The following IL1RAPL1 variants were observed in gnomAD, a reference collection of about 807,000 sequenced individuals.
IL1RAPL1 encodes the protein interleukin 1 receptor accessory protein like 1.
IL1RAPL1 carries 3 observed loss-of-function variants against 48.4 expected under a neutral mutation model. The ratio of observed to expected loss-of-function variants is 0.06; its 90% CI spans 0.03 to 0.16. IL1RAPL1 has a LOEUF of 0.16. Ranked by LOEUF, IL1RAPL1 falls within the 10% of genes least tolerant of loss-of-function variation. The probability of loss-of-function intolerance (pLI) is 1.00; values close to 1 mark genes in which losing one functional copy is unlikely to be tolerated. For missense variants in IL1RAPL1, 349 were observed against 530.6 expected (o/e 0.66, Z 3.36); for synonymous variants, 185 against 187.7 (o/e 0.99, Z 0.12).
chrX:28,923,713 A>G (rs1408809129), intron 2 of IL1RAPL1, among the ~76,000 whole-genome samples: 1 of 111,090 alleles, frequency 9.0e-6, no homozygotes, highest in Non-Finnish European at 1.9e-5. Flanking sequence ...GTTCACTGTA[A>G]AATTCTTCCA....
chrX:29,274,809 A>G (rs1932094298), intron 2 of IL1RAPL1, among the ~76,000 whole-genome samples: 1 of 111,488 alleles, frequency 9.0e-6, no homozygotes. Context: ...ATTTCCATTA[A>G]TAGTGCCACA....
chrX:29,234,186 G>A (rs1181404366), intron 2 of IL1RAPL1, among the ~76,000 whole-genome samples: 1 of 112,103 alleles, frequency 8.9e-6, no homozygotes, highest in Non-Finnish European at 1.9e-5. Context: ...ATAAATTCAG[G>A]TTGTTTTAAG....
rs557765024 is a variant in IL1RAPL1, at chrX:29,449,780, C to CACAGAGAGAG, written c.703+50473_703+50474insCAGAGAGAGA. Among the ~76,000 whole-genome samples, 540 of 58,186 alleles carry CACAGAGAGAG rather than the reference C, an allele frequency of 9.3e-3. 5 individuals are homozygous for CACAGAGAGAG. The highest frequency in any genetic ancestry group is 0.027 in the Middle Eastern group (3 of 110). The allele number at this position is 58,186 out of a possible 115,157, so 50.5% of individuals were successfully genotyped here. A position where few individuals can be genotyped will look rare whatever the true frequency, so the allele number is the denominator to read the frequency against. ...ACACACACACACACACACACACACACAGAGAGAGAGAGAGAGAGAATATAA... is the reference window on the plus strand; with the variant it reads ...ACACACACACACACACACACACACACACAGAGAGAGAGAGAGAGAGAGAGAGAGAATATAA... On this transcript the variant is annotated intron_variant, in intron 5 of 10. Coordinates refer to ENST00000378993, the MANE Select transcript of IL1RAPL1 (RefSeq NM_014271.4).
chrX:29,750,807 C>A (rs368230009), intron 6 of IL1RAPL1, among the ~76,000 whole-genome samples: 1 of 111,388 alleles, frequency 9.0e-6, no homozygotes, highest in Non-Finnish European at 1.9e-5. Flanking sequence ...ATTAGAGCCA[C>A]AGTCTAGCTG....
At chrX:29,244,179 T>A (rs1172164952) in intron 2 of IL1RAPL1, among the ~76,000 whole-genome samples, 1 of 112,112 alleles carries the variant, frequency 8.9e-6, no homozygotes, top group Non-Finnish European at 1.9e-5. Flanking sequence ...ATAGCTGCAT[T>A]AAAATTTTTG....
intron 1 of IL1RAPL1, among the ~76,000 whole-genome samples, chrX:28,678,824 G>A (rs1411335764): frequency 8.9e-6 from 1 of 111,923 alleles, no homozygotes; most frequent in African/African-American, 3.2e-5. Context: ...ACATACAATT[G>A]ACCATTTAAA....
intron 2 of IL1RAPL1, among the ~76,000 whole-genome samples, chrX:28,827,723 G>A (rs12007347): frequency 0.061 from 6,768 of 111,042 alleles, 401 homozygotes; most frequent in East Asian, 0.24. Context: ...ATTAAAATGT[G>A]GGTTGTTTTG....
intron 1 of IL1RAPL1, among the ~76,000 whole-genome samples, chrX:28,696,932 A>G (rs1193575774): frequency 9.0e-6 from 1 of 111,729 alleles, no homozygotes; most frequent in Admixed American, 9.6e-5. Context: ...ATAATTGTGT[A>G]TCTGTGGAAT....
intron 5 of IL1RAPL1, among the ~76,000 whole-genome samples, chrX:29,569,427 G>T (rs959184918): frequency 5.4e-5 from 6 of 110,798 alleles, no homozygotes; most frequent in Non-Finnish European, 1.1e-4. Context: ...TAACAATAAG[G>T]TTTATTTTCG....
intron 5 of IL1RAPL1, among the ~76,000 whole-genome samples, chrX:29,399,560 C>T (rs934086587): frequency 9.0e-6 from 1 of 111,680 alleles, no homozygotes; most frequent in Non-Finnish European, 1.9e-5. Flanking sequence ...GTGGCTCATG[C>T]CTGTAATCCC....
chrX:29,077,374 G>A (rs1364135955), intron 2 of IL1RAPL1, among the ~76,000 whole-genome samples: 1 of 111,327 alleles, frequency 9.0e-6, no homozygotes, highest in Non-Finnish European at 1.9e-5. Context: ...GGAGGCCAAG[G>A]TGAGCAGATC....
At chrX:29,178,752 C>A (rs1273558980) in intron 2 of IL1RAPL1, among the ~76,000 whole-genome samples, 1 of 111,541 alleles carries the variant, frequency 9.0e-6, no homozygotes, top group Non-Finnish European at 1.9e-5. Flanking sequence ...GTCTTTAATC[C>A]ATCTTGAATT....
intron 3 of IL1RAPL1, among the ~76,000 whole-genome samples, chrX:29,375,639 C>T (rs1404533561): frequency 8.9e-6 from 1 of 111,799 alleles, no homozygotes; most frequent in African/African-American, 3.3e-5. Context: ...AAAATGTGGG[C>T]CAAGATAGGC....
intron 6 of IL1RAPL1, among the ~76,000 whole-genome samples, chrX:29,834,434 A>C (rs1930948264): frequency 9.0e-6 from 1 of 110,643 alleles, no homozygotes; most frequent in Non-Finnish European, 1.9e-5. Flanking sequence ...AGTCATAGAA[A>C]TATCACAGCA....
intron 5 of IL1RAPL1, among the ~76,000 whole-genome samples, chrX:29,456,190 C>T (rs933465563): frequency 9.8e-5 from 11 of 112,392 alleles, no homozygotes; most frequent in African/African-American, 3.5e-4. Context: ...AGTTGAATTT[C>T]ATTAAAATAT....
chrX:28,662,996 A>G (rs778212278), intron 1 of IL1RAPL1, among the ~76,000 whole-genome samples: 3 of 111,532 alleles, frequency 2.7e-5, no homozygotes, highest in South Asian at 7.6e-4. Context: ...CTTTAACTGT[A>G]TGAAAATACC....
At chrX:29,277,953 A>T (rs917299787) in intron 2 of IL1RAPL1, among the ~76,000 whole-genome samples, 1 of 111,861 alleles carries the variant, frequency 8.9e-6, no homozygotes, top group Non-Finnish European at 1.9e-5. Context: ...ACCTGAGGTC[A>T]GGTGTAGAAT....
At chrX:29,006,556 C>T (rs900295543) in intron 2 of IL1RAPL1, among the ~76,000 whole-genome samples, 5 of 108,787 alleles carry the variant, frequency 4.6e-5, no homozygotes, top group Non-Finnish European at 9.5e-5. Context: ...TCAGAAAGCC[C>T]TCTTTATCCA....
intron 6 of IL1RAPL1, among the ~76,000 whole-genome samples, chrX:29,867,717 G>A (rs377571100): frequency 8.9e-6 from 1 of 112,134 alleles, no homozygotes; most frequent in Admixed American, 9.5e-5. Flanking sequence ...CCTAGAATTC[G>A]AAGCACTGAG....
Sources: allele counts gnomAD v4.1 joint callset (sites outside exome capture counted in the v4.1 genomes callset), GRCh38; gene constraint gnomAD v4.1.1; transcripts MANE v1.5; gene names NCBI Gene and HGNC (gene_info 2026-07-23, HGNC 2026-07-21).